ZFPM2: variants seen among roughly 807,000 people sequenced by gnomAD.
The protein encoded by ZFPM2 is zinc finger protein ZFPM2.
Under a neutral mutation model 98.6 loss-of-function variants are expected in ZFPM2, and 20 were observed. The ratio of observed to expected loss-of-function variants is 0.20; its 90% confidence interval spans 0.14 to 0.29. The LOEUF (loss-of-function observed/expected upper bound fraction) is 0.29, where lower values mean the gene tolerates loss of function less well. Among genes scored for constraint, ZFPM2 ranks in the 10% least tolerant of loss-of-function variants. ZFPM2 has a pLI of 1.00. For missense variants in ZFPM2, 1,310 were observed against 1,388.6 expected (o/e 0.94, Z 0.90); for synonymous variants, 518 against 502.7 (o/e 1.03, Z -0.41).
intron 3 of ZFPM2, among the ~76,000 whole-genome samples, chr8:105,550,850 G>A (rs1302678202): frequency 1.3e-5 from 2 of 152,150 alleles, no homozygotes. Flanking sequence ...GCAAGACTGA[G>A]TATGTACTGC....
At chr8:105,692,024 G>A (rs2130939616) in intron 5 of ZFPM2, among the ~76,000 whole-genome samples, 1 of 152,302 alleles carries the variant, frequency 6.6e-6, no homozygotes, top group African/African-American at 2.4e-5. Flanking sequence ...AACATTTTTA[G>A]TAGCTATTGA....
chr8:105,562,128 G>A (rs1362532352), intron 4 of ZFPM2, among the ~76,000 whole-genome samples: 10 of 151,634 alleles, frequency 6.6e-5, no homozygotes, highest in South Asian at 2.1e-4. Context: ...CAAACATGGC[G>A]AAACCCATCT....
chr8:105,582,874 G>T (rs1395719924), intron 4 of ZFPM2, among the ~76,000 whole-genome samples: 1 of 152,184 alleles, frequency 6.6e-6, no homozygotes, highest in African/African-American at 2.4e-5. Context: ...GATTACAGGG[G>T]TGAGCCACCG....
intron 5 of ZFPM2, among the ~76,000 whole-genome samples, chr8:105,706,840 A>G (rs1811274918): frequency 1.3e-5 from 2 of 152,100 alleles, no homozygotes; most frequent in African/African-American, 4.8e-5. Flanking sequence ...TCGGCCTCCC[A>G]AAGTGCTGGG....
intron 5 of ZFPM2, among the ~76,000 whole-genome samples, chr8:105,735,040 A>C (rs1812035305): frequency 1.3e-5 from 2 of 148,998 alleles, no homozygotes; most frequent in South Asian, 4.2e-4. Flanking sequence ...GCAGTTTTGC[A>C]TTCCTTTTAA....
intron 3 of ZFPM2, among the ~76,000 whole-genome samples, chr8:105,494,609 TAC>T: frequency 6.6e-6 from 1 of 152,144 alleles, no homozygotes; most frequent in Non-Finnish European, 1.5e-5. Flanking sequence ...ATAACTAAGT[TAC>T]TGATTCTCAA....
At chr8:105,458,549 A>G (rs1272682123) in intron 3 of ZFPM2, among the ~76,000 whole-genome samples, 1 of 152,220 alleles carries the variant, frequency 6.6e-6, no homozygotes, top group Non-Finnish European at 1.5e-5. Context: ...AATATATTCT[A>G]TCAGGGATGG....
intron 3 of ZFPM2, among the ~76,000 whole-genome samples, chr8:105,476,871 C>G (rs1466277039): frequency 6.6e-6 from 1 of 151,998 alleles, no homozygotes; most frequent in Non-Finnish European, 1.5e-5. Flanking sequence ...AATGCCAGCA[C>G]TACAGCTTTC....
intron 1 of ZFPM2, among the ~76,000 whole-genome samples, chr8:105,409,103 T>G (rs1811524594): frequency 6.6e-6 from 1 of 151,572 alleles, no homozygotes; most frequent in South Asian, 2.1e-4. Flanking sequence ...TTAGCGAGCT[T>G]TGCCTGGTTG....
chr8:105,800,353 T>G (rs1813964354), intron 7 of ZFPM2, among the ~76,000 whole-genome samples: 1 of 152,052 alleles, frequency 6.6e-6, no homozygotes, highest in Non-Finnish European at 1.5e-5. Context: ...TATTTAATCA[T>G]GGACTAGAAA....
At chr8:105,756,046 C>T (rs1812588098) in intron 5 of ZFPM2, among the ~76,000 whole-genome samples, 1 of 152,104 alleles carries the variant, frequency 6.6e-6, no homozygotes, top group Non-Finnish European at 1.5e-5. Context: ...AACTGCATAC[C>T]TTAATCCTAC....
chr8:105,715,422 AAAAGAG>A (rs1478568636), intron 5 of ZFPM2, among the ~76,000 whole-genome samples: 3 of 151,776 alleles, frequency 2.0e-5, no homozygotes, highest in African/African-American at 4.8e-5. Context: ...AAAAAAAAAA[AAAAGAG>A]AGACGTAGGC....
At chr8:105,682,120 A>G (rs917192021) in intron 5 of ZFPM2, among the ~76,000 whole-genome samples, 7 of 152,184 alleles carry the variant, frequency 4.6e-5, no homozygotes, top group Admixed American at 3.9e-4. Context: ...AAAGCTACAT[A>G]TCTTCCGTTC....
At chr8:105,408,295 G>GAT (rs1222127857) in intron 1 of ZFPM2, among the ~76,000 whole-genome samples, 1 of 151,860 alleles carries the variant, frequency 6.6e-6, no homozygotes, top group African/African-American at 2.4e-5. Context: ...TCTTTTTGAA[G>GAT]ATATGTTTTA....
At chr8:105,633,476 G>C (rs1316097739) in intron 4 of ZFPM2, among the ~76,000 whole-genome samples, 1 of 152,154 alleles carries the variant, frequency 6.6e-6, no homozygotes, top group African/African-American at 2.4e-5. Flanking sequence ...GAGTTTTACA[G>C]ATAAATAATT....
At chr8:105,373,720 G>A (rs1810667766) in intron 1 of ZFPM2, among the ~76,000 whole-genome samples, 1 of 152,052 alleles carries the variant, frequency 6.6e-6, no homozygotes. Context: ...CTAAATAAAT[G>A]AGATAAAAAC....
intron 4 of ZFPM2, among the ~76,000 whole-genome samples, chr8:105,625,782 C>T (rs2077716001): frequency 6.6e-6 from 1 of 151,748 alleles, no homozygotes; most frequent in Non-Finnish European, 1.5e-5. Context: ...GGGGTTTCAC[C>T]ATGTTGGCCA....
intron 3 of ZFPM2, among the ~76,000 whole-genome samples, chr8:105,465,980 A>G (rs1228153974): frequency 1.3e-5 from 2 of 152,032 alleles, no homozygotes; most frequent in African/African-American, 2.4e-5. Flanking sequence ...TTGCCTAAAC[A>G]TTCAAGTGAG....
intron 3 of ZFPM2, among the ~76,000 whole-genome samples, chr8:105,540,550 G>T (rs1450158): frequency 1 from 151,517 of 152,230 alleles, 75,407 homozygotes; most frequent in East Asian, 1. Context: ...AAAAACTATT[G>T]AAATGAAACA....
Sources: gnomAD v4.1 joint callset for allele counts (sites outside exome capture counted in the v4.1 genomes callset) on GRCh38, gnomAD v4.1.1 for gene constraint, MANE v1.5 for transcripts, NCBI Gene and HGNC (gene_info 2026-07-23, HGNC 2026-07-21) for gene names.